NDST1: variants seen among roughly 807,000 people sequenced by gnomAD.
The protein encoded by NDST1 is N-deacetylase and N-sulfotransferase 1.
A neutral mutation model predicts 92.8 loss-of-function variants in NDST1; 35 were observed. The observed-to-expected ratio is 0.38, with a 90% CI of 0.29 to 0.50. The LOEUF (loss-of-function observed/expected upper bound fraction) is 0.50, where lower values mean the gene tolerates loss of function less well. Among genes scored for constraint, NDST1 ranks in the 20% least tolerant of loss-of-function variants. The probability of loss-of-function intolerance (pLI) is 0.94; values close to 1 mark genes in which losing one functional copy is unlikely to be tolerated. For missense variants in NDST1, 822 were observed against 1,182.7 expected, an observed-to-expected ratio of 0.69 and a Z score of 4.47; for synonymous variants, 493 against 500.3, an observed-to-expected ratio of 0.99 and a Z score of 0.19.
chr5:150,537,421 G>A (rs987772910), intron 6 of NDST1, among the ~76,000 whole-genome samples: 4 of 152,312 alleles, frequency 2.6e-5, no homozygotes, highest in African/African-American at 9.6e-5. Flanking sequence ...CCCAAGAGGA[G>A]GTCTCTGAAA....
intron 1 of NDST1, among the ~76,000 whole-genome samples, chr5:150,500,265 C>T (rs1193775786): frequency 6.6e-6 from 1 of 151,734 alleles, no homozygotes; most frequent in Non-Finnish European, 1.5e-5. Flanking sequence ...AGGGTGTAGC[C>T]TCCCCATCCT....
rs1331679421 is a variant in NDST1 at position 150,528,301 on chromosome 5, A to AT, written c.1008+4dup. 1.3e-6 allele frequency: 2 copies of AT among 1,588,646 alleles called. No homozygotes were observed. Among genetic ancestry groups the AT allele is most frequent in the Non-Finnish European group, 1.7e-6 (2 of 1,162,862 alleles). On this transcript the variant is annotated splice_donor_region_variant and intron_variant, in intron 3 of 14. Coordinates refer to ENST00000261797, the MANE Select transcript of NDST1 (RefSeq NM_001543.5). ...GCATGAAGGTGGAGGACGTGAAGGT[A>AT]TGGCCGGGGGTGCTAGACCGGGCAA... is the stretch of plus-strand genomic sequence containing the variant.
At chr5:150,509,348 T>G (rs577999602) in intron 1 of NDST1, among the ~76,000 whole-genome samples, 248 of 152,212 alleles carry the variant, frequency 1.6e-3, no homozygotes, top group Non-Finnish European at 2.6e-3. Context: ...GACAAATAAA[T>G]GAAGTGAGGG....
intron 1 of NDST1, among the ~76,000 whole-genome samples, chr5:150,512,838 C>A (rs1753786234): frequency 6.6e-6 from 1 of 152,216 alleles, no homozygotes; most frequent in Non-Finnish European, 1.5e-5. Flanking sequence ...TTTAGTGAAA[C>A]TGAGGTTCAG....
intron 1 of NDST1, among the ~76,000 whole-genome samples, chr5:150,520,406 C>T (rs6876892): frequency 8.9e-4 from 135 of 152,030 alleles, no homozygotes; most frequent in African/African-American, 3.0e-3. Flanking sequence ...AAGAGAGCAA[C>T]GGGTTAGGAA....
rs1037293193 is a variant in NDST1, at chr5:150,553,900, A to G, written c.*568A>G. On this transcript the variant is annotated 3_prime_UTR_variant, in exon 15 of 15. Transcript: ENST00000261797. The surrounding 1 kb of genome is among the most constrained non-coding windows in gnomAD (Gnocchi z 4.2). ...CTCCACATCTGGTTCCTACCTTCAC[A>G]TCTCACCCTCCCGTTCTGGGGAAGA... is the stretch of plus-strand genomic sequence containing the variant. 1 of 421,864 alleles carries G rather than the reference A, an allele frequency of 2.4e-6. No individual in the cohort carries two copies. The highest frequency in any genetic ancestry group is 4.2e-6 in the Non-Finnish European group (1 of 238,982). The allele number at this position is 421,864 out of a possible 1,614,324, so 26.1% of individuals were successfully genotyped here.
chr5:150,525,445 G>A (rs1339724971), intron 2 of NDST1, among the ~76,000 whole-genome samples: 1 of 152,146 alleles, frequency 6.6e-6, no homozygotes, highest in Non-Finnish European at 1.5e-5. Context: ...GGCCCCTACC[G>A]CTTTTGTCCC....
intron 10 of NDST1, among the ~76,000 whole-genome samples, 177 bp downstream of exon 10, chr5:150,543,148 A>G (rs1755321041): frequency 6.6e-6 from 1 of 152,238 alleles, no homozygotes; most frequent in African/African-American, 2.4e-5. Context: ...TGTCATAGAC[A>G]GGACACTCGA....
chr5:150,551,594 T>A (rs1208870695), intron 13 of NDST1, among the ~76,000 whole-genome samples, 159 bp from the exon 14 acceptor site: 1 of 152,212 alleles, frequency 6.6e-6, no homozygotes, highest in East Asian at 1.9e-4. Flanking sequence ...TAGGACACAT[T>A]TGATCCCACA....
At chr5:150,546,643 A>G (rs751580050) in intron 11 of NDST1, among the ~76,000 whole-genome samples, 6 of 152,230 alleles carry the variant, frequency 3.9e-5, no homozygotes, top group Non-Finnish European at 7.3e-5. Flanking sequence ...AGGCCTGGCC[A>G]CTGTCATAGT....
Position 150,518,415 on chromosome 5 carries a change from C to T in NDST1, c.-387-2453C>T, listed in dbSNP as rs192170812. Among the ~76,000 whole-genome samples, 65 of 152,200 alleles carry T rather than the reference C, an allele frequency of 4.3e-4. No individual in the cohort carries two copies. The East Asian group carries it at 9.1e-3, about 21-fold the overall frequency. On this transcript the variant is annotated intron_variant, in intron 1 of 14. Coordinates refer to ENST00000261797, the MANE Select transcript of NDST1 (RefSeq NM_001543.5). ...AGAATATCAGAGGTGAAGGAGCCCCCGGAGATCACCTGCCCCAACCCCCTT... is the reference window on the plus strand; with the variant it reads ...AGAATATCAGAGGTGAAGGAGCCCCTGGAGATCACCTGCCCCAACCCCCTT...
chr5:150,511,358 A>G (rs1304765735), intron 1 of NDST1, among the ~76,000 whole-genome samples: 1 of 152,204 alleles, frequency 6.6e-6, no homozygotes, highest in African/African-American at 2.4e-5. Context: ...TTCTAGTTGC[A>G]AGAACAACTG....
chr5:150,542,915 G>A lies in NDST1; in HGVS notation c.1914G>A (p.Glu638=). 1 of 1,614,184 alleles carries A rather than the reference G, an allele frequency of 6.2e-7. No individual in the cohort carries two copies. Among genetic ancestry groups the A allele is most frequent in the South Asian group, 1.1e-5 (1 of 91,078 alleles). ...PDLSSNYPSS[E]TFEEIQFFNG... ...TAAGCAGCAACTACCCCAGCTCTGA[G>A]ACCTTTGAGGAGATCCAGTTTTTTA... Residue 638 remains glutamate, a synonymous_variant, in exon 10 of 15, where the codon GAG becomes GAA. Coordinates refer to ENST00000261797, the MANE Select transcript of NDST1 (RefSeq NM_001543.5).
In NDST1 at chr5:150,528,293, G is replaced by A. The variant is rs200286652; in HGVS notation, c.1003G>A (p.Val335Met). 7 of 1,593,352 alleles carry A rather than the reference G, an allele frequency of 4.4e-6. No individual in the cohort carries two copies. Among genetic ancestry groups the A allele is most frequent in the Non-Finnish European group, 4.3e-6 (5 of 1,165,342 alleles). The change falls in exon 3 of 15, where the codon GTG becomes ATG. Residue 335 changes from valine to methionine, a missense_variant. By Grantham distance (21) the Val-to-Met change is conservative. Coordinates refer to ENST00000261797, the MANE Select transcript of NDST1 (RefSeq NM_001543.5). Reference sequence around the variant, plus strand: ...GGGCACACGCATGAAGGTGGAGGACGTGAAGGTATGGCCGGGGGTGCTAGA... The same window carrying A: ...GGGCACACGCATGAAGGTGGAGGACATGAAGGTATGGCCGGGGGTGCTAGA... ...KEGTRMKVED[V>M]KALFDTQNEL...
intron 1 of NDST1, among the ~76,000 whole-genome samples, chr5:150,502,271 C>T (rs569616745): frequency 1.4e-3 from 211 of 152,006 alleles, no homozygotes; most frequent in African/African-American, 4.8e-3. Context: ...TGGGTGGGGA[C>T]GGCGGGGGAG....
chr5:150,513,905 G>A (rs1402428795), intron 1 of NDST1, among the ~76,000 whole-genome samples: 1 of 152,250 alleles, frequency 6.6e-6, no homozygotes, highest in East Asian at 1.9e-4. Flanking sequence ...CACGGTTACC[G>A]TGGTATTTCC....
In NDST1 at chr5:150,539,302, G is replaced by C. The variant is rs926691331; in HGVS notation, c.1512G>C (p.Glu504Asp). The C allele has an allele frequency of 6.2e-7, 1 of 1,614,088 alleles. No individual in the cohort carries two copies. The highest frequency in any genetic ancestry group is 8.5e-7 in the Non-Finnish European group (1 of 1,180,056). Residue 504 changes from glutamate to aspartate, a missense_variant, in exon 7 of 15, where the codon GAG (glutamate) becomes GAC (aspartate). Coordinates refer to ENST00000261797, the MANE Select transcript of NDST1 (RefSeq NM_001543.5). Reference sequence around the variant, plus strand: ...ACGAGTACCCTGGCGGCTCCAGTGAGCTGGACAAGATCATCAACGGGGGCG... The same window carrying C: ...ACGAGTACCCTGGCGGCTCCAGTGACCTGGACAAGATCATCAACGGGGGCG... ...FYNEYPGGSS[E>D]LDKIINGGEL...
At chr5:150,542,702 G>A in intron 9 of NDST1, 146 bp from the exon 10 acceptor site, 1 of 1,013,264 alleles carries the variant, frequency 9.9e-7, no homozygotes, top group Non-Finnish European at 1.5e-6. Context: ...TTCCTTCATT[G>A]CACAGATGAA....
chr5:150,546,857 C>G (rs1755508688), intron 11 of NDST1, among the ~76,000 whole-genome samples: 1 of 152,248 alleles, frequency 6.6e-6, no homozygotes, highest in Admixed American at 6.5e-5. Context: ...TGTCTGCTTT[C>G]CTGTGGCTTT....
Sources: allele counts gnomAD v4.1 joint callset (sites outside exome capture counted in the v4.1 genomes callset), GRCh38; gene constraint gnomAD v4.1.1; non-coding constraint Gnocchi (gnomAD v3.1); transcripts MANE v1.5; gene names NCBI Gene and HGNC (gene_info 2026-07-23, HGNC 2026-07-21).